TERF2: variants seen among roughly 807,000 people sequenced by gnomAD.
TERF2 encodes telomeric repeat binding factor 2.
TERF2 carries 16 observed loss-of-function variants against 56.1 expected under a neutral mutation model. The observed-to-expected ratio is 0.29, with a 90% CI of 0.19 to 0.43. TERF2 has a LOEUF of 0.43. Among genes scored for constraint, TERF2 ranks in the 20% least tolerant of loss-of-function variants. TERF2 has a pLI of 1.00. For missense variants in TERF2, 547 were observed against 712.9 expected (o/e 0.77, Z 2.65); for synonymous variants, 296 against 282.1 (o/e 1.05, Z -0.50).
intron 3 of TERF2, among the ~76,000 whole-genome samples, chr16:69,381,360 T>C (rs1332615212): frequency 6.6e-6 from 1 of 152,172 alleles, no homozygotes; most frequent in Non-Finnish European, 1.5e-5. Context: ...TCAGGTAAAA[T>C]AGTATTCCAT....
chr16:69,378,099 T>G (rs2013861049), intron 3 of TERF2, among the ~76,000 whole-genome samples: 1 of 152,248 alleles, frequency 6.6e-6, no homozygotes, highest in African/African-American at 2.4e-5. Context: ...GCTGAGTGTT[T>G]TTATCATGAA....
intron 5 of TERF2, chr16:69,368,695 G>A: frequency 8.0e-7 from 1 of 1,247,216 alleles, no homozygotes; most frequent in Non-Finnish European, 1.1e-6. Flanking sequence ...CATTTTTTTT[G>A]AGAGGGAGTC....
intron 4 of TERF2, 116 bp downstream of exon 4, chr16:69,372,153 C>T (rs919693409): frequency 1.2e-5 from 8 of 641,882 alleles, no homozygotes; most frequent in Middle Eastern, 2.8e-4. Flanking sequence ...GCAGGTGTTA[C>T]ATGTTGAAAG....
chr16:69,366,439 C>G, intron 7 of TERF2: 1 of 211,890 alleles, frequency 4.7e-6, no homozygotes, highest in Non-Finnish European at 9.5e-6. Context: ...TCATCAGTCT[C>G]TTTTTAAGGG....
chr16:69,361,257 AT>A, intron 8 of TERF2, 146 bp downstream of exon 8: 1 of 628,138 alleles, frequency 1.6e-6, no homozygotes, highest in Non-Finnish European at 2.8e-6. Flanking sequence ...AAAAAAACTG[AT>A]TCTTCATGAA....
intron 8 of TERF2, among the ~76,000 whole-genome samples, chr16:69,358,161 C>T (rs1282277979): frequency 6.6e-6 from 1 of 152,178 alleles, no homozygotes; most frequent in African/African-American, 2.4e-5. Context: ...TACAGGCGCC[C>T]ACCACTACGC....
chr16:69,382,376 T>C (rs2014035480), intron 3 of TERF2, among the ~76,000 whole-genome samples: 1 of 152,236 alleles, frequency 6.6e-6, no homozygotes, highest in African/African-American at 2.4e-5. Context: ...GAGAAACTTT[T>C]ACAAAGTAAA....
At chr16:69,375,083 T>A (rs1248409993) in intron 3 of TERF2, among the ~76,000 whole-genome samples, 3 of 152,202 alleles carry the variant, frequency 2.0e-5, no homozygotes, top group African/African-American at 7.2e-5. Flanking sequence ...GTTGGTACAC[T>A]ATCAATAGTT....
At chr16:69,369,455 C>T (rs2013483358) in intron 5 of TERF2, among the ~76,000 whole-genome samples, 1 of 152,160 alleles carries the variant, frequency 6.6e-6, no homozygotes, top group Non-Finnish European at 1.5e-5. Context: ...CGCGCCACCA[C>T]ACCTGGCTAA....
chr16:69,374,229 CTTG>C (rs943433759), intron 3 of TERF2, among the ~76,000 whole-genome samples: 58 of 152,270 alleles, frequency 3.8e-4, no homozygotes, highest in African/African-American at 1.4e-3. Flanking sequence ...ACAAAATTAA[CTTG>C]TTTAGGACAT....
chr16:69,381,891 AT>A (rs777689536), intron 3 of TERF2, among the ~76,000 whole-genome samples: 6 of 151,434 alleles, frequency 4.0e-5, no homozygotes, highest in South Asian at 4.2e-4. Context: ...TCTTTTTTAA[AT>A]TTTTTTTTAA....
At chr16:69,377,877 T>C (rs1221134519) in intron 3 of TERF2, among the ~76,000 whole-genome samples, 1 of 152,146 alleles carries the variant, frequency 6.6e-6, no homozygotes, top group African/African-American at 2.4e-5. Context: ...GATTTCTACA[T>C]AGTCCTGCCA....
chr16:69,358,078 T>TCTCGGCTCACTGCAAG (rs1031991176), intron 8 of TERF2, among the ~76,000 whole-genome samples: 1 of 151,878 alleles, frequency 6.6e-6, no homozygotes, highest in Non-Finnish European at 1.5e-5. Flanking sequence ...AGTGGAGCGA[T>TCTCGGCTCACTGCAAG]CTCGGCTCAC....
intron 6 of TERF2, 115 bp from the exon 7 acceptor site, chr16:69,367,314 G>T: frequency 9.3e-7 from 1 of 1,075,726 alleles, no homozygotes; most frequent in Non-Finnish European, 1.3e-6. Context: ...GGCTTTAAAT[G>T]TGATATGTAA....
At position 69,385,677 on chromosome 16, in the gene TERF2, G is replaced by C; in HGVS notation, c.295C>G (p.Leu99Val). The C allele has an allele frequency of 6.2e-7, 1 of 1,610,770 alleles. No individual in the cohort carries two copies. The highest frequency in any genetic ancestry group is 8.5e-7 in the Non-Finnish European group (1 of 1,179,242). ...AGCGCCTCGTGGAAGTAGAACTTGA[G>C]CACCCAGCGATTGACTGCCTCTTCC... ...RLEEAVNRWV[L>V]KFYFHEALRA... is the part of the protein sequence containing the mutation. Residue 99 changes from leucine to valine, a missense_variant, in exon 1 of 10, where the codon CTC (leucine) becomes GTC (valine). By Grantham distance (32) the Leu-to-Val change is conservative. Around this residue, in one of 6 missense-constraint regions of TERF2, gnomAD observed 120 missense variants for 172.4 expected, o/e 0.70. Coordinates refer to ENST00000254942, the MANE Select transcript of TERF2 (RefSeq NM_005652.5).
At chr16:69,377,683 T>C (rs980119732) in intron 3 of TERF2, among the ~76,000 whole-genome samples, 1 of 152,242 alleles carries the variant, frequency 6.6e-6, no homozygotes, top group African/African-American at 2.4e-5. Flanking sequence ...TTTCTTTCTG[T>C]TCTGAAGCCA....
chr16:69,365,443 G>A (rs1035492613), intron 7 of TERF2: 1 of 152,414 alleles, frequency 6.6e-6, no homozygotes, highest in Non-Finnish European at 1.5e-5. Flanking sequence ...ACAGAGCAGA[G>A]GCAGAGGTGG....
rs368041858 is a variant in TERF2, at chr16:69,374,490, C to T, written c.607-2135G>A. ...ACAAAAAAGTAGCCAGGCATGGTGG[C>T]GTGTGCCTGTGGTCCTAGCTACTCG... On this transcript the variant is annotated intron_variant, in intron 3 of 9. Coordinates refer to ENST00000254942, the MANE Select transcript of TERF2 (RefSeq NM_005652.5). Among the ~76,000 whole-genome samples the T allele has an allele frequency of 4.6e-5, 7 of 151,222 alleles. No homozygotes were observed. In the East Asian group the frequency reaches 7.8e-4, roughly 17 times the overall value.
intron 3 of TERF2, among the ~76,000 whole-genome samples, chr16:69,381,220 G>T (rs941826597): frequency 6.6e-6 from 1 of 152,142 alleles, no homozygotes. Flanking sequence ...TTTTTCACTA[G>T]AAAGCTTAAA....
Sources: allele counts gnomAD v4.1 joint callset (sites outside exome capture counted in the v4.1 genomes callset), GRCh38; gene constraint gnomAD v4.1.1; regional missense constraint gnomAD v4.1.1; transcripts MANE v1.5; gene names NCBI Gene and HGNC (gene_info 2026-07-23, HGNC 2026-07-21).